Variants in ZNF266 observed in about 807,000 individuals in gnomAD.
ZNF266 encodes zinc finger protein 1.
Under a neutral mutation model 16.4 loss-of-function variants are expected in ZNF266, and 16 were observed. That is an observed-to-expected ratio of 0.98 (90% CI 0.66 to 1.48). The LOEUF (loss-of-function observed/expected upper bound fraction) is 1.48. Ranked by LOEUF, ZNF266 falls within the 40% of genes most tolerant of loss-of-function variation. The pLI, the probability that ZNF266 is intolerant of heterozygous loss-of-function variation, is 0.00. For synonymous variants in ZNF266, 262 were observed against 237.9 expected (o/e 1.10, Z -0.93); for missense variants, 738 against 689.1 (o/e 1.07, Z -0.79).
intron 5 of ZNF266, among the ~76,000 whole-genome samples, chr19:9,429,835 C>T (rs2071321557): frequency 1.3e-5 from 2 of 152,182 alleles, no homozygotes; most frequent in Non-Finnish European, 1.5e-5. Context: ...CCCCAAGAGG[C>T]ACCTGCCTCA....
At chr19:9,424,575 G>A (rs2070446121) in intron 5 of ZNF266, among the ~76,000 whole-genome samples, 1 of 152,234 alleles carries the variant, frequency 6.6e-6, no homozygotes, top group Non-Finnish European at 1.5e-5. Context: ...AGCAGTGACA[G>A]AAACAAGAAA....
chr19:9,415,190 C>A (rs7254687), intron 10 of ZNF266, among the ~76,000 whole-genome samples: 1 of 151,940 alleles, frequency 6.6e-6, no homozygotes. Context: ...AGCTACTCAG[C>A]AGGGTGAGGC....
chr19:9,417,386 A>T (rs1029701880), intron 9 of ZNF266, among the ~76,000 whole-genome samples: 13 of 151,580 alleles, frequency 8.6e-5, no homozygotes, highest in African/African-American at 2.9e-4. Flanking sequence ...AAATAAAAAT[A>T]AAAAAAATAA....
At chr19:9,425,141 CAG>C (rs950845190) in intron 5 of ZNF266, among the ~76,000 whole-genome samples, 48 of 152,288 alleles carry the variant, frequency 3.2e-4, no homozygotes, top group African/African-American at 1.1e-3. Flanking sequence ...TGGCCAACAC[CAG>C]AGTCATATAA....
At chr19:9,423,945 C>T (rs1234912379) in intron 5 of ZNF266, among the ~76,000 whole-genome samples, 2 of 152,042 alleles carry the variant, frequency 1.3e-5, no homozygotes, top group East Asian at 1.9e-4. Context: ...TGCAGTGAGC[C>T]GAGATTGTGC....
chr19:9,413,095 T>C lies in ZNF266; in HGVS notation c.*180A>G, dbSNP rs2068465660. The C allele has an allele frequency of 1.4e-6, 1 of 698,996 alleles. No homozygotes were observed. The highest frequency in any genetic ancestry group is 1.8e-5 in the African/African-American group (1 of 55,584). 43.3% of individuals were successfully genotyped at this position (698,996 alleles called of 1,614,324 possible). A position where few individuals can be genotyped will look rare whatever the true frequency, so the allele number is the denominator to read the frequency against. ...TGATGTGTTTGGTAAGGCTTGAGAATTCAGCAAAGTCATTTCCACATTCCC... is the reference window on the plus strand; with the variant it reads ...TGATGTGTTTGGTAAGGCTTGAGAACTCAGCAAAGTCATTTCCACATTCCC... On this transcript the variant is annotated 3_prime_UTR_variant, in exon 11 of 11. Transcript: ENST00000592904.
intron 5 of ZNF266, among the ~76,000 whole-genome samples, chr19:9,429,340 T>C (rs978211725): frequency 2.6e-5 from 4 of 152,172 alleles, no homozygotes; most frequent in South Asian, 2.1e-4. Flanking sequence ...GCTCATCTGA[T>C]AGGGGACCCA....
rs747180037 is a variant in ZNF266, at chr19:9,414,391, G to A, written c.735C>T (p.His245=). ...TCCATTCATGGAGACTTTCTCCATT[G>A]TGAGTTCTTAAATGTCCCTGAAGGT... ...HSHLQGHLRT[H]NGESLHEWKE... Residue 245 remains histidine, a synonymous_variant, in exon 11 of 11, where the codon CAC becomes CAT. Coordinates refer to ENST00000592904, the MANE Select transcript of ZNF266 (RefSeq NM_001370374.1). The A allele has an allele frequency of 1.2e-6, 2 of 1,614,172 alleles. No individual in the cohort carries two copies. Among genetic ancestry groups the A allele is most frequent in the Non-Finnish European group, 8.5e-7 (1 of 1,180,040 alleles).
chr19:9,434,782 G>T lies in ZNF266; in HGVS notation c.-410+16C>A, dbSNP rs1172010714. On this transcript the variant is annotated intron_variant, in intron 3 of 10. Transcript: ENST00000592904. ...CATTTAAACCTTAAGTGTCACGCCTGCAATGTTCAACTTACTTCAAAGCCT... is the reference window on the plus strand; with the variant it reads ...CATTTAAACCTTAAGTGTCACGCCTTCAATGTTCAACTTACTTCAAAGCCT... 1 of 152,148 alleles carries T rather than the reference G, an allele frequency of 6.6e-6. No homozygotes were observed. The highest frequency in any genetic ancestry group is 1.5e-5 in the Non-Finnish European group (1 of 68,024). The allele number at this position is 152,148 out of a possible 1,614,324, so 9.4% of individuals were successfully genotyped here. A position where few individuals can be genotyped will look rare whatever the true frequency, so the allele number is the denominator to read the frequency against.
intron 9 of ZNF266, among the ~76,000 whole-genome samples, chr19:9,416,374 T>G (rs1421753343): frequency 1.3e-5 from 2 of 149,928 alleles, no homozygotes; most frequent in East Asian, 3.9e-4. Flanking sequence ...TGTTTTTTTT[T>G]TTTTTTGAGA....
At chr19:9,423,263 C>A (rs1355260808) in intron 5 of ZNF266, among the ~76,000 whole-genome samples, 1 of 152,162 alleles carries the variant, frequency 6.6e-6, no homozygotes, top group Non-Finnish European at 1.5e-5. Context: ...ACCAGCCAGC[C>A]ATGCTGTAAT....
chr19:9,413,499 G>C lies in ZNF266; in HGVS notation c.1627C>G (p.Pro543Ala), dbSNP rs1555742980. 2 of 1,612,884 alleles carry C rather than the reference G, an allele frequency of 1.2e-6. No homozygotes were observed. The highest frequency in any genetic ancestry group is 3.3e-5 in the Admixed American group (2 of 59,960). Residue 543 changes from proline (P) to alanine (A), a missense_variant, in exon 11 of 11, where the codon CCC (proline) becomes GCC (alanine). Transcript: ENST00000592904. Reference protein sequence around the residue: ...CMECGKAFKFPTCVNLHMRIH... With the variant: ...CMECGKAFKFATCVNLHMRIH... ...CGCATGTGAAGGTTAACACACGTGG[G>C]AAACTTAAAAGCTTTGCCACATTCC...
intron 8 of ZNF266, among the ~76,000 whole-genome samples, chr19:9,418,300 G>C (rs985924081): frequency 7.2e-5 from 11 of 152,188 alleles, no homozygotes; most frequent in Non-Finnish European, 1.3e-4. Context: ...TGGAGACTGA[G>C]AACATACATC....
intron 5 of ZNF266, among the ~76,000 whole-genome samples, chr19:9,428,483 G>A (rs2071099202): frequency 6.6e-6 from 1 of 152,178 alleles, no homozygotes; most frequent in Non-Finnish European, 1.5e-5. Flanking sequence ...CATAGACTGT[G>A]CAAAGGCCAC....
chr19:9,417,997 A>G, intron 8 of ZNF266, 89 bp from the exon 9 acceptor site: 1 of 1,302,950 alleles, frequency 7.7e-7, no homozygotes, highest in Non-Finnish European at 1.1e-6. Flanking sequence ...GTTCCAATGG[A>G]AGCAGTGAAA....
chr19:9,417,936 G>A (rs2069310374), intron 8 of ZNF266, 28 bp from the exon 9 acceptor site: 1 of 1,599,492 alleles, frequency 6.3e-7, no homozygotes, highest in Non-Finnish European at 8.6e-7. Flanking sequence ...TACATTACCA[G>A]AAGAGGCTCA....
intron 5 of ZNF266, among the ~76,000 whole-genome samples, chr19:9,422,902 T>A (rs766973189): frequency 2.0e-5 from 3 of 152,080 alleles, no homozygotes; most frequent in Non-Finnish European, 2.9e-5. Context: ...GTCAAAAATG[T>A]GGAATGAACC....
intron 9 of ZNF266, among the ~76,000 whole-genome samples, chr19:9,416,516 A>C (rs2069030029): frequency 6.6e-6 from 1 of 151,050 alleles, no homozygotes; most frequent in African/African-American, 2.4e-5. Context: ...GGCACCTACC[A>C]CCAAGCCCAG....
intron 5 of ZNF266, among the ~76,000 whole-genome samples, chr19:9,431,069 C>G (rs1377447315): frequency 6.6e-6 from 1 of 152,182 alleles, no homozygotes; most frequent in Admixed American, 6.5e-5. Context: ...CGGGACAGAG[C>G]TAGAATTTAC....
Sources: allele counts gnomAD v4.1 joint callset (sites outside exome capture counted in the v4.1 genomes callset), GRCh38; gene constraint gnomAD v4.1.1; transcripts MANE v1.5; gene names NCBI Gene and HGNC (gene_info 2026-07-23, HGNC 2026-07-21).